The following TRA2A variants were observed in gnomAD, a reference collection of about 807,000 sequenced individuals.
TRA2A encodes transformer-2 protein homolog alpha.
A neutral mutation model predicts 45.7 loss-of-function variants in TRA2A; 31 were observed. The ratio of observed to expected loss-of-function variants is 0.68; its 90% confidence interval spans 0.51 to 0.92. The LOEUF is 0.92. Ranked by LOEUF, TRA2A falls within the 40% of genes least tolerant of loss-of-function variation. TRA2A has a pLI of 0.00. For synonymous variants in TRA2A, 132 were observed against 126.2 expected, an observed-to-expected ratio of 1.05 and a Z score of -0.31; for missense variants, 304 against 367.5, an observed-to-expected ratio of 0.83 and a Z score of 1.41.
intron 5 of TRA2A, among the ~76,000 whole-genome samples, chr7:23,506,832 G>A (rs1584104975): frequency 6.6e-6 from 1 of 152,168 alleles, no homozygotes; most frequent in South Asian, 2.1e-4. Context: ...CTGGAGTGCA[G>A]TGGTGCGATC....
At chr7:23,516,789 A>G (rs943931347) in intron 2 of TRA2A, among the ~76,000 whole-genome samples, 2 of 152,008 alleles carry the variant, frequency 1.3e-5, no homozygotes, top group Non-Finnish European at 2.9e-5. Context: ...AAAAAAAAAC[A>G]AAAAACAAAA....
At chr7:23,512,520 G>A (rs770392089) in intron 4 of TRA2A, among the ~76,000 whole-genome samples, 2 of 151,890 alleles carry the variant, frequency 1.3e-5, no homozygotes, top group East Asian at 1.9e-4. Flanking sequence ...GTACAGTGGC[G>A]CAATCTCGGC....
At chr7:23,517,868 T>C (rs1789958359) in intron 2 of TRA2A, among the ~76,000 whole-genome samples, 1 of 150,680 alleles carries the variant, frequency 6.6e-6, no homozygotes, top group African/African-American at 2.4e-5. Context: ...GCTGAGATCG[T>C]GCCACTGCAC....
chr7:23,518,226 G>A (rs1789975097), intron 2 of TRA2A, among the ~76,000 whole-genome samples: 1 of 151,734 alleles, frequency 6.6e-6, no homozygotes, highest in African/African-American at 2.4e-5. Context: ...GGCCCATAAA[G>A]TTCTACATTC....
chr7:23,505,938 CTCTT>C lies in TRA2A; in HGVS notation c.771-129_771-126del, dbSNP rs1789315099. On this transcript the variant is annotated intron_variant, in intron 6 of 7. Coordinates refer to ENST00000297071, the MANE Select transcript of TRA2A (RefSeq NM_013293.5). The stretch of plus-strand genomic sequence containing the variant: ...GGTGATAACTACTTAATATTAAGTT[CTCTT>C]TCTGCCAATGAGACCAGAAAAGTAT... The C allele has an allele frequency of 5.7e-6, 4 of 699,898 alleles. No homozygotes were observed. In the South Asian group the frequency reaches 8.3e-5, roughly 14 times the overall value. The allele number at this position is 699,898 out of a possible 1,614,324, so 43.4% of individuals were successfully genotyped here. A position where few individuals can be genotyped will look rare whatever the true frequency, so the allele number is the denominator to read the frequency against.
intron 3 of TRA2A, among the ~76,000 whole-genome samples, chr7:23,515,374 C>T (rs544399896): frequency 3.6e-4 from 54 of 151,680 alleles, no homozygotes; most frequent in Non-Finnish European, 6.6e-4. Flanking sequence ...GGACTACAGG[C>T]GTCTGCAACC....
At chr7:23,528,966 C>T (rs1159225399) in intron 1 of TRA2A, among the ~76,000 whole-genome samples, 2 of 152,050 alleles carry the variant, frequency 1.3e-5, no homozygotes, top group Non-Finnish European at 2.9e-5. Context: ...AAGATAGGTC[C>T]CTAACAATAA....
chr7:23,511,387 AAAAAAAAAAAAAAAAAAAAAAAAG>A lies in TRA2A; in HGVS notation c.525+1483_525+1506del, dbSNP rs1384270957. 1.0e-3 allele frequency among the ~76,000 whole-genome samples: 30 copies of A among 29,628 alleles called. 1 individual carries two copies. Among genetic ancestry groups the A allele is most frequent in the Non-Finnish European group, 1.3e-3 (19 of 14,364 alleles). 19.4% of individuals were successfully genotyped at this position (29,628 alleles called of 152,430 possible). ...CTCCATCTCAAAAAAAAAAAAAAAA[AAAAAAAAAAAAAAAAAAAAAAAAG>A]AAAAGAAAAGAAAAGAAAAACACCC... On this transcript the variant is annotated intron_variant, in intron 4 of 7. Transcript: ENST00000297071.
In TRA2A at chr7:23,505,240, G is replaced by A; in HGVS notation, c.*319C>T. The A allele has an allele frequency of 3.5e-6, 1 of 283,306 alleles. No individual in the cohort carries two copies. The highest frequency in any genetic ancestry group is 6.4e-6 in the Non-Finnish European group (1 of 155,604). 17.5% of individuals were successfully genotyped at this position (283,306 alleles called of 1,614,324 possible). On this transcript the variant is annotated 3_prime_UTR_variant, in exon 8 of 8. Transcript: ENST00000297071. ...ACACAAAAGAAGCTTTAAAAAGACA[G>A]TTTCTTTCCTTATTTGATTAGCTAG...
At chr7:23,519,880 T>G (rs1790055464) in intron 2 of TRA2A, among the ~76,000 whole-genome samples, 2 of 152,114 alleles carry the variant, frequency 1.3e-5, no homozygotes, top group Admixed American at 1.3e-4. Flanking sequence ...AGTAAGAAAA[T>G]CCTTAATTTA....
rs1168015737 is a variant in TRA2A at position 23,512,902 on chromosome 7, A to G, written c.517T>C (p.Ser173Pro). Residue 173 changes from serine (S) to proline (P), a missense_variant, in exon 4 of 8, where the codon TCA becomes CCA. Transcript: ENST00000297071. ...AFVYFERIDD[S>P]KEAMERANGM... ...ATAAAAGACAAATTTACCTCCTTTG[A>G]GTCATCTATTCTCTCAAAATACACA... The G allele has an allele frequency of 6.2e-7, 1 of 1,611,264 alleles. No homozygotes were observed. Among genetic ancestry groups the G allele is most frequent in the Non-Finnish European group, 8.5e-7 (1 of 1,178,484 alleles).
chr7:23,525,352 T>G (rs1433445762), intron 1 of TRA2A, among the ~76,000 whole-genome samples: 1 of 152,228 alleles, frequency 6.6e-6, no homozygotes, highest in African/African-American at 2.4e-5. Context: ...CTGCCCTGTT[T>G]CACTAGACTA....
intron 1 of TRA2A, among the ~76,000 whole-genome samples, chr7:23,524,778 G>A (rs540725853): frequency 3.6e-4 from 54 of 150,978 alleles, no homozygotes; most frequent in Non-Finnish European, 7.4e-4. Flanking sequence ...TGCAACCTCC[G>A]CCTCCCGGAT....
intron 1 of TRA2A, among the ~76,000 whole-genome samples, chr7:23,526,141 G>A (rs1455488854): frequency 6.6e-6 from 1 of 152,154 alleles, no homozygotes; most frequent in African/African-American, 2.4e-5. Context: ...TGTACACAAT[G>A]TTGCGGAACA....
chr7:23,526,432 CATAG>C (rs1790343156), intron 1 of TRA2A, among the ~76,000 whole-genome samples: 3 of 152,130 alleles, frequency 2.0e-5, no homozygotes, highest in Admixed American at 2.0e-4. Flanking sequence ...GCTCTATTTC[CATAG>C]ATACACACTA....
At chr7:23,508,275 TAAAAAA>T (rs67642004) in intron 4 of TRA2A, among the ~76,000 whole-genome samples, 1 of 101,528 alleles carries the variant, frequency 9.8e-6, no homozygotes, top group Non-Finnish European at 1.9e-5. Context: ...TAAAGGTCAT[TAAAAAA>T]AAAAAAAAAA....
intron 2 of TRA2A, among the ~76,000 whole-genome samples, chr7:23,518,680 T>G (rs1296387040): frequency 5.3e-5 from 8 of 150,534 alleles, no homozygotes; most frequent in Non-Finnish European, 8.9e-5. Flanking sequence ...TTCTTGTTTT[T>G]TTTTTTTTTT....
chr7:23,508,799 G>A (rs1324926053), intron 4 of TRA2A, among the ~76,000 whole-genome samples: 1 of 151,652 alleles, frequency 6.6e-6, no homozygotes, highest in Admixed American at 6.6e-5. Context: ...TGGCCTGCAT[G>A]CATTTATTTT....
chr7:23,516,246 G>T, intron 3 of TRA2A, 117 bp downstream of exon 3: 1 of 932,386 alleles, frequency 1.1e-6, no homozygotes, highest in Non-Finnish European at 1.6e-6. Context: ...GCTTATTAAG[G>T]ATGTTTCCAG....
Sources: gnomAD v4.1 joint callset for allele counts (sites outside exome capture counted in the v4.1 genomes callset) on GRCh38, gnomAD v4.1.1 for gene constraint, MANE v1.5 for transcripts, NCBI Gene and HGNC (gene_info 2026-07-23, HGNC 2026-07-21) for gene names.